LMF1: variants seen among roughly 807,000 people sequenced by gnomAD.
LMF1 encodes lipase maturation factor 1, also known as transmembrane protein 112.
LMF1 carries 68 observed loss-of-function variants against 60.6 expected under a neutral mutation model. The ratio of observed to expected loss-of-function variants is 1.12; its 90% CI spans 0.92 to 1.37. LMF1 has a LOEUF of 1.37. LMF1 is among the 40% of genes most tolerant of loss of function. The probability of loss-of-function intolerance (pLI) is 0.00; values close to 1 mark genes in which losing one functional copy is unlikely to be tolerated. For synonymous variants in LMF1, 418 were observed against 324.7 expected, an observed-to-expected ratio of 1.29 and a Z score of -3.09; for missense variants, 948 against 767.2, an observed-to-expected ratio of 1.24 and a Z score of -2.78.
chr16:968,404 G>A (rs1159535152), intron 1 of LMF1: 1 of 152,202 alleles, frequency 6.6e-6, no homozygotes, highest in Non-Finnish European at 1.5e-5. Context: ...AATTACAAGT[G>A]TTTCAATAGC....
upstream of LMF1, chr16:981,345 A>AGTGTGT (rs1387318122): frequency 1.5e-4 from 29 of 187,810 alleles, no homozygotes; most frequent in African/African-American, 4.0e-4. Context: ...AGAGAGAGAG[A>AGTGTGT]GAGTGTGTGT....
At chr16:954,164 A>C (rs934887082) in intron 2 of LMF1, 193 bp downstream of exon 2, 3 of 708,782 alleles carry the variant, frequency 4.2e-6, no homozygotes, top group Non-Finnish European at 7.6e-6. Flanking sequence ...GTGGGGTTTT[A>C]ATCCTGAAGA....
At chr16:917,725 C>T (rs977645118) in intron 3 of LMF1, among the ~76,000 whole-genome samples, 2 of 150,162 alleles carry the variant, frequency 1.3e-5, no homozygotes, top group South Asian at 2.1e-4. Flanking sequence ...GTCAGCCCCA[C>T]CCCAGAGGTG....
At chr16:856,992 C>G (rs1219837190) in intron 10 of LMF1, among the ~76,000 whole-genome samples, 1 of 152,248 alleles carries the variant, frequency 6.6e-6, no homozygotes, top group Non-Finnish European at 1.5e-5. Flanking sequence ...TGTGTGATTT[C>G]AAGAACGTAT....
At chr16:980,081 C>G (rs1052443175) in intron 1 of LMF1, 1 of 296,830 alleles carries the variant, frequency 3.4e-6, no homozygotes, top group Non-Finnish European at 6.7e-6. Context: ...ATGCGTGGAG[C>G]CTCCCAACTC....
intron 10 of LMF1, among the ~76,000 whole-genome samples, chr16:866,346 T>G (rs2069609264): frequency 6.6e-6 from 1 of 152,148 alleles, no homozygotes; most frequent in African/African-American, 2.4e-5. Context: ...TGTTTCTGGG[T>G]AGGGTGGGAG....
At chr16:927,944 A>G (rs12925888) in intron 3 of LMF1, among the ~76,000 whole-genome samples, 47,126 of 152,190 alleles carry the variant, frequency 0.31, 9,202 homozygotes, top group African/African-American at 0.53. Context: ...CAGCCTAGAA[A>G]GCAGACCTGA....
intron 2 of LMF1, among the ~76,000 whole-genome samples, chr16:954,062 G>GCCTCCTGCACGTCCACACAGACACCC (rs1567312834): frequency 1.8e-5 from 2 of 110,846 alleles, no homozygotes; most frequent in South Asian, 2.7e-4. Context: ...CACAGACACA[G>GCCTCCTGCACGTCCACACAGACACCC]ACCCACTGCT....
intron 10 of LMF1, among the ~76,000 whole-genome samples, chr16:858,371 ACGGG>A (rs2069280168): frequency 2.1e-5 from 1 of 47,380 alleles, no homozygotes. Flanking sequence ...GTGTCTCGGG[ACGGG>A]TGTGAGTGGT....
At chr16:890,230 C>T (rs1406272012) in intron 5 of LMF1, among the ~76,000 whole-genome samples, 3 of 152,318 alleles carry the variant, frequency 2.0e-5, no homozygotes, top group Non-Finnish European at 2.9e-5. Context: ...GCAGGCACGG[C>T]GCCGCACTGC....
At chr16:977,354 C>A (rs1329739307) in intron 1 of LMF1, among the ~76,000 whole-genome samples, 1 of 152,164 alleles carries the variant, frequency 6.6e-6, no homozygotes, top group East Asian at 1.9e-4. Context: ...GAGAGGGGTC[C>A]TGCGAACCCC....
Position 869,118 on chromosome 16 carries a change from G to A in LMF1, c.1417-62C>T, listed in dbSNP as rs112791828. 1,731 of 1,118,558 alleles carry A rather than the reference G, an allele frequency of 1.5e-3. 15 individuals carry two copies. The African/African-American group carries it at 0.023, about 15-fold the overall frequency. The allele number at this position is 1,118,558 out of a possible 1,614,324, so 69.3% of individuals were successfully genotyped here. Reference sequence around the variant, plus strand: ...CTCGCTGTCCAGGCACAGCCCCTCCGGACGCTCGGCTGTGCCCTCCACTCC... The same window carrying A: ...CTCGCTGTCCAGGCACAGCCCCTCCAGACGCTCGGCTGTGCCCTCCACTCC... On this transcript the variant is annotated intron_variant, in intron 9 of 10. Transcript: ENST00000262301.
intron 8 of LMF1, 81 bp from the exon 9 acceptor site, chr16:870,147 C>T (rs910369294): frequency 7.1e-5 from 104 of 1,471,800 alleles, no homozygotes; most frequent in Middle Eastern, 6.3e-4. Flanking sequence ...GGGGGTTCCC[C>T]GACTGTCCAT....
At chr16:976,384 T>C (rs982411275) in intron 1 of LMF1, 1 of 454,000 alleles carries the variant, frequency 2.2e-6, no homozygotes, top group African/African-American at 2.0e-5. Flanking sequence ...CACCCTCCTG[T>C]ACACGGCACA....
intron 3 of LMF1, among the ~76,000 whole-genome samples, chr16:917,727 C>T (rs916181383): frequency 2.0e-5 from 3 of 152,212 alleles, no homozygotes; most frequent in Non-Finnish European, 4.4e-5. Flanking sequence ...CAGCCCCACC[C>T]CAGAGGTGTC....
intron 5 of LMF1, among the ~76,000 whole-genome samples, chr16:888,292 A>T (rs1473659377): frequency 6.6e-6 from 1 of 152,196 alleles, no homozygotes. Flanking sequence ...GTGTGGAAGG[A>T]GCGCCGTGGG....
At chr16:923,580 T>C (rs536243884) in intron 3 of LMF1, among the ~76,000 whole-genome samples, 1 of 152,164 alleles carries the variant, frequency 6.6e-6, no homozygotes, top group South Asian at 2.1e-4. Context: ...ATCCCAGCTC[T>C]AAAAAAGAGA....
chr16:946,409 G>C (rs771514572), intron 2 of LMF1, among the ~76,000 whole-genome samples: 1 of 152,230 alleles, frequency 6.6e-6, no homozygotes, highest in Non-Finnish European at 1.5e-5. Context: ...GCTTCTCCCA[G>C]CAAGTCCTAG....
chr16:978,316 T>C (rs1201236131), intron 1 of LMF1, among the ~76,000 whole-genome samples: 1 of 147,170 alleles, frequency 6.8e-6, no homozygotes, highest in African/African-American at 2.5e-5. Flanking sequence ...ATACATCCCA[T>C]ACACATATCA....
Sources: allele counts gnomAD v4.1 joint callset (sites outside exome capture counted in the v4.1 genomes callset), GRCh38; gene constraint gnomAD v4.1.1; transcripts MANE v1.5; gene names NCBI Gene and HGNC (gene_info 2026-07-23, HGNC 2026-07-21).